The following SLC5A4 variants were observed in gnomAD, a reference collection of about 807,000 sequenced individuals.
SLC5A4 encodes probable glucose sensor protein SLC5A4.
A neutral mutation model predicts 70.3 loss-of-function variants in SLC5A4; 55 were observed. That is an observed-to-expected ratio of 0.78 (90% CI 0.63 to 0.98). The LOEUF (loss-of-function observed/expected upper bound fraction) is 0.98. SLC5A4 is among the 50% of genes least tolerant of loss of function. The pLI is 0.00. For synonymous variants in SLC5A4, 268 were observed against 305.7 expected (o/e 0.88, Z 1.29); for missense variants, 735 against 839.2 (o/e 0.88, Z 1.53).
At chr22:32,277,821 T>A in the SLC5A4 span, among the ~76,000 whole-genome samples, 1 of 152,230 alleles carries the variant, frequency 6.6e-6, no homozygotes, top group Admixed American at 6.5e-5. Flanking sequence ...GTGCTGAGAT[T>A]ACAGGCGTGA....
the SLC5A4 span, among the ~76,000 whole-genome samples, chr22:32,303,558 G>GA: frequency 2.0e-5 from 3 of 152,166 alleles, no homozygotes; most frequent in African/African-American, 4.8e-5. Context: ...TTCCTTGTGG[G>GA]ACAATCACAA....
intron 13 of SLC5A4, among the ~76,000 whole-genome samples, chr22:32,222,526 A>AT (rs1345367150): frequency 6.6e-6 from 1 of 152,148 alleles, no homozygotes; most frequent in East Asian, 1.9e-4. Context: ...TTCAGACAAT[A>AT]TTTTTTTCCT....
the SLC5A4 span, among the ~76,000 whole-genome samples, chr22:32,304,438 A>G: frequency 8.6e-6 from 1 of 116,068 alleles, no homozygotes; most frequent in South Asian, 2.7e-4. Flanking sequence ...TACCATGCCC[A>G]GCTTGTTTTT....
chr22:32,229,654 TG>T (rs1925629261), intron 10 of SLC5A4, among the ~76,000 whole-genome samples: 1 of 151,872 alleles, frequency 6.6e-6, no homozygotes, highest in Non-Finnish European at 1.5e-5. Context: ...GGAAGAGTAA[TG>T]GGGGACTAGG....
At chr22:32,354,421 C>T in the SLC5A4 span, among the ~76,000 whole-genome samples, 1 of 151,746 alleles carries the variant, frequency 6.6e-6, no homozygotes, top group African/African-American at 2.4e-5. Flanking sequence ...ATAATGCCCC[C>T]AGCCAGCTTC....
the SLC5A4 span, among the ~76,000 whole-genome samples, chr22:32,337,478 G>A: frequency 0.13 from 19,805 of 152,056 alleles, 1,766 homozygotes; most frequent in Non-Finnish European, 0.2. Context: ...AGGTTGCAGT[G>A]AGCTGAGATC....
At chr22:32,331,877 A>AT in the SLC5A4 span, among the ~76,000 whole-genome samples, 1 of 151,766 alleles carries the variant, frequency 6.6e-6, no homozygotes, top group Non-Finnish European at 1.5e-5. Flanking sequence ...CCCCAGGCCC[A>AT]TTGCAGTGGT....
At chr22:32,282,236 C>G in the SLC5A4 span, among the ~76,000 whole-genome samples, 1 of 152,178 alleles carries the variant, frequency 6.6e-6, no homozygotes, top group South Asian at 2.1e-4. Context: ...CCAGCACACT[C>G]TTGACCTCAT....
chr22:32,223,262 A>G (rs190537100), intron 13 of SLC5A4, among the ~76,000 whole-genome samples: 219 of 152,300 alleles, frequency 1.4e-3, no homozygotes, highest in African/African-American at 5.0e-3. Context: ...CCTTATACAC[A>G]TATTTTTCCT....
the SLC5A4 span, among the ~76,000 whole-genome samples, chr22:32,302,261 T>TA: frequency 2.0e-5 from 3 of 149,978 alleles, no homozygotes; most frequent in East Asian, 5.8e-4. Flanking sequence ...TTTTTTTTTT[T>TA]TGTGTCTAGC....
chr22:32,306,473 A>AAC, the SLC5A4 span, among the ~76,000 whole-genome samples: 2 of 150,126 alleles, frequency 1.3e-5, no homozygotes, highest in African/African-American at 4.9e-5. Context: ...CTCAAAAAAA[A>AAC]AAAACAAAAA....
the SLC5A4 span, among the ~76,000 whole-genome samples, chr22:32,343,927 A>G: frequency 6.6e-6 from 1 of 152,228 alleles, no homozygotes; most frequent in Non-Finnish European, 1.5e-5. Flanking sequence ...GTAAGTCTTT[A>G]GTGTATATCT....
the SLC5A4 span, among the ~76,000 whole-genome samples, chr22:32,331,725 C>T: frequency 6.6e-5 from 10 of 152,046 alleles, no homozygotes; most frequent in African/African-American, 9.7e-5. Flanking sequence ...CAAGGGACAT[C>T]GCAGGAGCGA....
chr22:32,260,508 C>CCAAAAAA, the SLC5A4 span, among the ~76,000 whole-genome samples: 1 of 124,950 alleles, frequency 8.0e-6, no homozygotes, highest in African/African-American at 2.9e-5. Flanking sequence ...ATTTTGGTGA[C>CCAAAAAA]AAAAAAAAAA....
At chr22:32,351,729 G>GGGGGGGGT in the SLC5A4 span, among the ~76,000 whole-genome samples, 16 of 50,118 alleles carry the variant, frequency 3.2e-4, no homozygotes, top group Non-Finnish European at 4.9e-4. Context: ...GGGGGAGGGT[G>GGGGGGGGT]GGGGCGGTGG....
At chr22:32,270,580 A>T in the SLC5A4 span, 1 of 728,368 alleles carries the variant, frequency 1.4e-6, no homozygotes, top group Non-Finnish European at 2.5e-6. Flanking sequence ...GCAGGAGATC[A>T]TGGAGCTGGA....
At chr22:32,318,187 T>C in the SLC5A4 span, among the ~76,000 whole-genome samples, 2 of 151,654 alleles carry the variant, frequency 1.3e-5, no homozygotes, top group South Asian at 2.1e-4. Context: ...TTCTACTCAC[T>C]CATGGACCTC....
At chr22:32,274,712 T>C in the SLC5A4 span, among the ~76,000 whole-genome samples, 6 of 152,312 alleles carry the variant, frequency 3.9e-5, no homozygotes, top group Non-Finnish European at 7.3e-5. Flanking sequence ...AAATAGAACA[T>C]GTGCTGCGAT....
chr22:32,251,841 T>C lies in SLC5A4; in HGVS notation c.241A>G (p.Ser81Gly). The C allele has an allele frequency of 6.2e-7, 1 of 1,614,072 alleles. No individual in the cohort carries two copies. The highest frequency in any genetic ancestry group is 1.1e-5 in the South Asian group (1 of 91,086). ...GASLFASNIG[S>G]NHYVGLAGTG... ...CCAGCCAGCCCCACATAGTGGTTGC[T>C]GCCGATGTTACTGGCAAAGAGAGAG... is the stretch of plus-strand genomic sequence containing the variant. Residue 81 changes from serine to glycine, a missense_variant, in exon 3 of 15, where the codon AGC (serine) becomes GGC (glycine). Ser to Gly is a moderately conservative substitution (Grantham distance 56). Transcript: ENST00000266086.
Sources: allele counts gnomAD v4.1 joint callset (sites outside exome capture counted in the v4.1 genomes callset), GRCh38; gene constraint gnomAD v4.1.1; transcripts MANE v1.5; gene names NCBI Gene and HGNC (gene_info 2026-07-23, HGNC 2026-07-21).